SLIT1: variants seen among roughly 807,000 people sequenced by gnomAD.
SLIT1 encodes the protein slit guidance ligand 1.
In SLIT1, 66 loss-of-function variants were observed where a neutral mutation model predicts 186.1. The ratio of observed to expected loss-of-function variants is 0.35; its 90% confidence interval spans 0.29 to 0.44. The LOEUF (loss-of-function observed/expected upper bound fraction) is 0.44. Ranked by LOEUF, SLIT1 falls within the 20% of genes least tolerant of loss-of-function variation. SLIT1 has a pLI of 1.00. For synonymous variants in SLIT1, 761 were observed against 833.8 expected (o/e 0.91, Z 1.50); for missense variants, 1,638 against 2,037.4 (o/e 0.80, Z 3.77).
At position 97,184,034 on chromosome 10, in the gene SLIT1, ACACACAC is replaced by A; in HGVS notation, c.197+1437_197+1443del. On this transcript the variant is annotated intron_variant, in intron 1 of 36. Transcript: ENST00000266058. The surrounding 1 kb of genome is among the most constrained non-coding windows in gnomAD (Gnocchi z 4.4). ...ACACATGCACCACACACACACACAC[ACACACAC>A]ACACACACACACACACACTTCCCAT... Among the ~76,000 whole-genome samples the A allele has an allele frequency of 6.6e-6, 1 of 150,916 alleles. No individual in the cohort carries two copies. The highest frequency in any genetic ancestry group is 1.5e-5 in the Non-Finnish European group (1 of 67,716).
intron 4 of SLIT1, among the ~76,000 whole-genome samples, chr10:97,122,109 C>T (rs1472844804): frequency 6.6e-6 from 1 of 152,186 alleles, no homozygotes; most frequent in Non-Finnish European, 1.5e-5. Flanking sequence ...CCAGCTCCCT[C>T]GTGAGGACAG....
intron 23 of SLIT1, among the ~76,000 whole-genome samples, chr10:97,032,217 T>C (rs906245055): frequency 3.3e-5 from 5 of 152,316 alleles, no homozygotes; most frequent in South Asian, 2.1e-4. Context: ...TCCCATCTTA[T>C]AGATGAGGAG....
intron 13 of SLIT1, 112 bp downstream of exon 13, chr10:97,056,209 C>A (rs1848834604): frequency 1.4e-5 from 17 of 1,225,298 alleles, no homozygotes; most frequent in Non-Finnish European, 1.7e-5. Context: ...AAGAGGCCAC[C>A]CCCAGTGAGC....
At chr10:97,122,440 G>C (rs1051895701) in intron 4 of SLIT1, among the ~76,000 whole-genome samples, 3 of 152,206 alleles carry the variant, frequency 2.0e-5, no homozygotes, top group African/African-American at 4.8e-5. Context: ...ACGGTGTCGA[G>C]AGCAGGTGGC....
At chr10:97,023,777 T>C (rs1848521179) in intron 25 of SLIT1, among the ~76,000 whole-genome samples, 1 of 152,142 alleles carries the variant, frequency 6.6e-6, no homozygotes. Flanking sequence ...ACCCCATCTC[T>C]ACTAAAAGTA....
At chr10:97,113,999 C>T (rs1849487733) in intron 4 of SLIT1, among the ~76,000 whole-genome samples, 1 of 152,270 alleles carries the variant, frequency 6.6e-6, no homozygotes, top group Admixed American at 6.5e-5. Context: ...ACATCCACCC[C>T]GCTACCAGGT....
intron 4 of SLIT1, among the ~76,000 whole-genome samples, chr10:97,147,438 C>T (rs1849829545): frequency 6.6e-6 from 1 of 151,968 alleles, no homozygotes; most frequent in South Asian, 2.1e-4. Context: ...GTATATTGTA[C>T]CATGATTTTA....
At chr10:97,166,074 T>G (rs953447977) in intron 1 of SLIT1, among the ~76,000 whole-genome samples, 7 of 152,074 alleles carry the variant, frequency 4.6e-5, no homozygotes, top group African/African-American at 9.7e-5. Context: ...CACACTGTTA[T>G]GCTCACACAC....
intron 4 of SLIT1, among the ~76,000 whole-genome samples, chr10:97,132,451 GC>G (rs1273965914): frequency 6.6e-6 from 1 of 152,144 alleles, no homozygotes; most frequent in Non-Finnish European, 1.5e-5. Context: ...CTTCAGAACT[GC>G]CCCCATGCAA....
chr10:97,079,035 T>A (rs1432123865), intron 4 of SLIT1, among the ~76,000 whole-genome samples: 1 of 152,128 alleles, frequency 6.6e-6, no homozygotes, highest in Non-Finnish European at 1.5e-5. Context: ...GACATGAGCT[T>A]TGGAGCCAGA....
In SLIT1 at chr10:97,043,117, G is replaced by A. The variant is rs1848703990; in HGVS notation, c.1998-50C>T. On this transcript the variant is annotated intron_variant, in intron 19 of 36. Coordinates refer to ENST00000266058, the MANE Select transcript of SLIT1 (RefSeq NM_003061.3). The surrounding 1 kb of genome is among the most constrained non-coding windows in gnomAD (Gnocchi z 7.0). ...ATGGAGACACTCTGCCCCTCTCAGA[G>A]GTCCCAGCAAACCCCTCCTGTACCA... The A allele has an allele frequency of 6.3e-7, 1 of 1,585,452 alleles. No individual in the cohort carries two copies. The highest frequency in any genetic ancestry group is 1.7e-5 in the Admixed American group (1 of 58,582).
chr10:97,089,242 A>G (rs747333266), intron 4 of SLIT1, among the ~76,000 whole-genome samples: 3 of 152,206 alleles, frequency 2.0e-5, no homozygotes, highest in Non-Finnish European at 2.9e-5. Context: ...AAAGAAGAAA[A>G]AAAAGACAGA....
chr10:97,007,556 A>G (rs1301921258), intron 31 of SLIT1, among the ~76,000 whole-genome samples: 7 of 152,210 alleles, frequency 4.6e-5, no homozygotes, highest in Admixed American at 6.5e-5. Context: ...ACAAATTACT[A>G]GCTAATCAAG....
intron 5 of SLIT1, 112 bp downstream of exon 5, chr10:97,065,903 G>T: frequency 1.3e-6 from 1 of 780,286 alleles, no homozygotes; most frequent in Non-Finnish European, 2.2e-6. Flanking sequence ...GAGAGCCCAG[G>T]TCAGCTCCCT....
At chr10:97,036,327 T>G (rs1848638167) in intron 22 of SLIT1, among the ~76,000 whole-genome samples, 1 of 152,214 alleles carries the variant, frequency 6.6e-6, no homozygotes, top group African/African-American at 2.4e-5. Flanking sequence ...CAAAGCACTC[T>G]GACACCAGCC....
chr10:97,099,169 G>C (rs1564675364), intron 4 of SLIT1, among the ~76,000 whole-genome samples: 1 of 152,012 alleles, frequency 6.6e-6, no homozygotes, highest in Non-Finnish European at 1.5e-5. Context: ...TGCTGTGACT[G>C]CCCCTCCCTC....
At chr10:97,082,700 C>T (rs1849117475) in intron 4 of SLIT1, among the ~76,000 whole-genome samples, 1 of 152,210 alleles carries the variant, frequency 6.6e-6, no homozygotes, top group Non-Finnish European at 1.5e-5. Flanking sequence ...TCCCAAAGTG[C>T]TGGGATTACA....
At chr10:97,057,905 G>C (rs59428103) in intron 11 of SLIT1, 1 of 698,700 alleles carries the variant, frequency 1.4e-6, no homozygotes, top group Non-Finnish European at 2.7e-6. Context: ...GGGGAGGGGG[G>C]TTGTATGCCA....
At chr10:97,157,767 G>T (rs1355787448) in intron 4 of SLIT1, 51 bp downstream of exon 4, 1 of 1,404,374 alleles carries the variant, frequency 7.1e-7, no homozygotes, top group Non-Finnish European at 1.0e-6. Context: ...CTCCCACAGG[G>T]TGAGAGACAA....
Sources: gnomAD v4.1 joint callset for allele counts (sites outside exome capture counted in the v4.1 genomes callset) on GRCh38, gnomAD v4.1.1 for gene constraint, Gnocchi (gnomAD v3.1) non-coding constraint, MANE v1.5 for transcripts, NCBI Gene and HGNC (gene_info 2026-07-23, HGNC 2026-07-21) for gene names.